Variants in NRCAM observed in about 807,000 individuals in gnomAD.
The protein encoded by NRCAM is NgCAM-related cell adhesion molecule.
A neutral mutation model predicts 156.5 loss-of-function variants in NRCAM; 83 were observed. That is an observed-to-expected ratio of 0.53 (90% CI 0.44 to 0.64). The LOEUF is 0.64. Ranked by LOEUF, NRCAM falls within the 30% of genes least tolerant of loss-of-function variation. The pLI is 0.00. For missense variants in NRCAM, 1,417 were observed against 1,597.3 expected, an observed-to-expected ratio of 0.89 and a Z score of 1.92; for synonymous variants, 538 against 563.9, an observed-to-expected ratio of 0.95 and a Z score of 0.65.
chr7:108,188,722 T>C (rs1186085861), intron 20 of NRCAM, among the ~76,000 whole-genome samples: 5 of 134,974 alleles, frequency 3.7e-5, no homozygotes, highest in African/African-American at 5.4e-5. Context: ...CTGGATGAAT[T>C]TGTGTTCTGA....
chr7:108,348,702 T>G (rs2099388033), intron 2 of NRCAM, among the ~76,000 whole-genome samples: 1 of 151,714 alleles, frequency 6.6e-6, no homozygotes, highest in African/African-American at 2.4e-5. Flanking sequence ...TCACTGGAGG[T>G]CAGGAGTTCG....
At chr7:108,345,102 T>C (rs2099341141) in intron 2 of NRCAM, among the ~76,000 whole-genome samples, 1 of 152,164 alleles carries the variant, frequency 6.6e-6, no homozygotes, top group South Asian at 2.1e-4. Flanking sequence ...AAAGAAATAG[T>C]GGAATGATGA....
At position 108,234,633 on chromosome 7, in the gene NRCAM, A is replaced by G. The variant is rs1460459119; in HGVS notation, c.180T>C (p.Pro60=). 2 of 1,613,188 alleles carry G rather than the reference A, an allele frequency of 1.2e-6. No individual in the cohort carries two copies. The highest frequency in any genetic ancestry group is 2.7e-5 in the African/African-American group (2 of 74,808). Residue 60 remains proline, a synonymous_variant, in exon 6 of 33, where the codon CCT becomes CCC. Coordinates refer to ENST00000379028, the MANE Select transcript of NRCAM (RefSeq NM_001037132.4). Reference sequence around the variant, plus strand: ...CACACTGGATTACAATATTCTCCCGAGGGTCAATAATGTAATCTTTTGGAG... The same window carrying G: ...CACACTGGATTACAATATTCTCCCGGGGGTCAATAATGTAATCTTTTGGAG... The part of the protein sequence containing the change: ...QQSPKDYIID[P]RENIVIQCEA...
chr7:108,414,306 T>G (rs1333461997), intron 1 of NRCAM, among the ~76,000 whole-genome samples: 1 of 152,154 alleles, frequency 6.6e-6, no homozygotes, highest in Non-Finnish European at 1.5e-5. Context: ...TTGAGAAGCT[T>G]TGGACAGCTT....
rs1156274299 is a variant in NRCAM at position 108,184,118 on chromosome 7, A to G, written c.2304+123T>C. ...TAAAGATATATATGTATCTTTATAT[A>G]TATATATATATTTTTTTTCCCCAGA... On this transcript the variant is annotated intron_variant, in intron 22 of 32. Coordinates refer to ENST00000379028, the MANE Select transcript of NRCAM (RefSeq NM_001037132.4). 5.8e-5 allele frequency: 30 copies of G among 519,750 alleles called. 1 individual carries two copies. Among genetic ancestry groups the G allele is most frequent in the Non-Finnish European group, 9.1e-5 (28 of 308,266 alleles). 32.2% of individuals were successfully genotyped at this position (519,750 alleles called of 1,614,324 possible).
intron 2 of NRCAM, among the ~76,000 whole-genome samples, chr7:108,394,956 G>C (rs1304642232): frequency 6.6e-6 from 1 of 152,104 alleles, no homozygotes; most frequent in Non-Finnish European, 1.5e-5. Context: ...CAATAAACAT[G>C]TTTTTAAAGT....
intron 1 of NRCAM, among the ~76,000 whole-genome samples, chr7:108,409,943 G>A (rs1373891356): frequency 6.6e-6 from 1 of 152,104 alleles, no homozygotes; most frequent in Non-Finnish European, 1.5e-5. Flanking sequence ...GTATTTGAAT[G>A]ATTGATTTCC....
At chr7:108,347,056 G>A (rs1469823808) in intron 2 of NRCAM, among the ~76,000 whole-genome samples, 375 of 9,980 alleles carry the variant, frequency 0.038, 3 homozygotes, top group Admixed American at 0.076. Flanking sequence ...TTTTTTTTTT[G>A]AGACAGACTG....
At chr7:108,330,625 T>C (rs1232349801) in intron 2 of NRCAM, among the ~76,000 whole-genome samples, 7 of 152,148 alleles carry the variant, frequency 4.6e-5, no homozygotes, top group African/African-American at 1.7e-4. Flanking sequence ...ATCTGTCATT[T>C]TACGACAAGA....
In NRCAM at chr7:108,171,464, C is replaced by T. The variant is rs138706714; in HGVS notation, c.3188-3062G>A. Among the ~76,000 whole-genome samples the T allele has an allele frequency of 2.3e-3, 355 of 152,240 alleles. 2 individuals are homozygous for T. Among genetic ancestry groups the T allele is most frequent in the African/African-American group, 8.0e-3 (333 of 41,552 alleles). On this transcript the variant is annotated intron_variant, in intron 28 of 32. Coordinates refer to ENST00000379028, the MANE Select transcript of NRCAM (RefSeq NM_001037132.4). Reference sequence around the variant, plus strand: ...AGCCTAAGTGGACCGCTTGGTATAACCCAGACATCCGGTATGTTTTCAAAC... The same window carrying T: ...AGCCTAAGTGGACCGCTTGGTATAATCCAGACATCCGGTATGTTTTCAAAC...
At position 108,389,489 on chromosome 7, in the gene NRCAM, T is replaced by G. The variant is rs192282607; in HGVS notation, c.-174+9947A>C. Among the ~76,000 whole-genome samples, 495 of 152,352 alleles carry G rather than the reference T, an allele frequency of 3.2e-3. 1 individual carries two copies. Among genetic ancestry groups the G allele is most frequent in the Non-Finnish European group, 5.7e-3 (387 of 68,024 alleles). On this transcript the variant is annotated intron_variant, in intron 2 of 32. Coordinates refer to ENST00000379028, the MANE Select transcript of NRCAM (RefSeq NM_001037132.4). Reference sequence around the variant, plus strand: ...ATGGGGTTTTCTAAGTATACAATCATGTCATCTGCAAACAGGGACAATTTG... The same window carrying G: ...ATGGGGTTTTCTAAGTATACAATCAGGTCATCTGCAAACAGGGACAATTTG...
intron 2 of NRCAM, among the ~76,000 whole-genome samples, chr7:108,331,177 T>G (rs1016149): frequency 0.33 from 50,123 of 151,878 alleles, 8,726 homozygotes; most frequent in East Asian, 0.56. Flanking sequence ...GGCAGAAAGA[T>G]TGCTTGAGCC....
At chr7:108,301,241 C>T (rs892346475) in intron 3 of NRCAM, among the ~76,000 whole-genome samples, 8 of 152,146 alleles carry the variant, frequency 5.3e-5, no homozygotes, top group African/African-American at 9.7e-5. Flanking sequence ...TAAGGACAGA[C>T]GATTAATGTA....
chr7:108,412,024 T>C (rs1796016943), intron 1 of NRCAM, among the ~76,000 whole-genome samples: 1 of 152,198 alleles, frequency 6.6e-6, no homozygotes, highest in South Asian at 2.1e-4. Flanking sequence ...GGTTCAATGA[T>C]TATTTACAAT....
intron 1 of NRCAM, among the ~76,000 whole-genome samples, chr7:108,430,112 C>T (rs528835080): frequency 1.3e-5 from 2 of 152,116 alleles, no homozygotes; most frequent in Non-Finnish European, 2.9e-5. Context: ...AAGATGAGGC[C>T]AGAGAGGCAG....
At chr7:108,242,005 C>A (rs1053868631) in intron 3 of NRCAM, among the ~76,000 whole-genome samples, 1 of 151,896 alleles carries the variant, frequency 6.6e-6, no homozygotes, top group Non-Finnish European at 1.5e-5. Context: ...AGGCCAGGTG[C>A]GGTCATGCTT....
chr7:108,254,424 C>G (rs1459511888), intron 3 of NRCAM, among the ~76,000 whole-genome samples: 1 of 152,164 alleles, frequency 6.6e-6, no homozygotes, highest in Non-Finnish European at 1.5e-5. Context: ...ACCACACACC[C>G]ACTTGAATGG....
intron 3 of NRCAM, among the ~76,000 whole-genome samples, chr7:108,270,949 G>C (rs2097321663): frequency 6.6e-6 from 1 of 152,164 alleles, no homozygotes; most frequent in South Asian, 2.1e-4. Context: ...GATAGATGGT[G>C]GTGATGCTGG....
At chr7:108,275,796 T>G (rs955662719) in intron 3 of NRCAM, among the ~76,000 whole-genome samples, 28 of 152,232 alleles carry the variant, frequency 1.8e-4, no homozygotes, top group African/African-American at 6.8e-4. Flanking sequence ...TGTTTGCTCT[T>G]GCTTCTCTAG....
Sources: allele counts gnomAD v4.1 joint callset (sites outside exome capture counted in the v4.1 genomes callset), GRCh38; gene constraint gnomAD v4.1.1; transcripts MANE v1.5; gene names NCBI Gene and HGNC (gene_info 2026-07-23, HGNC 2026-07-21).